GRM5: variants seen among roughly 807,000 people sequenced by gnomAD.
GRM5 encodes metabotropic glutamate receptor 5.
A neutral mutation model predicts 83.1 loss-of-function variants in GRM5; 19 were observed. The ratio of observed to expected loss-of-function variants is 0.23; its 90% CI spans 0.16 to 0.34. The LOEUF (loss-of-function observed/expected upper bound fraction) is 0.34. Ranked by LOEUF, GRM5 falls within the 10% of genes least tolerant of loss-of-function variation. The probability of loss-of-function intolerance (pLI) is 1.00; values close to 1 mark genes in which losing one functional copy is unlikely to be tolerated. For missense variants in GRM5, 1,160 were observed against 1,588.3 expected, an observed-to-expected ratio of 0.73 and a Z score of 4.58; for synonymous variants, 675 against 633.6, an observed-to-expected ratio of 1.07 and a Z score of -0.98.
intron 3 of GRM5, among the ~76,000 whole-genome samples, chr11:88,793,595 T>C (rs1247278751): frequency 1.3e-5 from 2 of 152,218 alleles, no homozygotes; most frequent in Admixed American, 1.3e-4. Flanking sequence ...ACATTCCTAA[T>C]GTGGATATAA....
At chr11:88,819,185 G>C (rs1386024285) in intron 3 of GRM5, among the ~76,000 whole-genome samples, 1 of 152,180 alleles carries the variant, frequency 6.6e-6, no homozygotes, top group East Asian at 1.9e-4. Context: ...AAATAGGTTT[G>C]AGGCTTGATG....
At chr11:88,924,498 G>A (rs950196432) in intron 2 of GRM5, among the ~76,000 whole-genome samples, 1 of 151,988 alleles carries the variant, frequency 6.6e-6, no homozygotes, top group Non-Finnish European at 1.5e-5. Flanking sequence ...CCTGCCATTT[G>A]CAACAATATA....
At chr11:88,706,509 T>G (rs1272710100) in intron 3 of GRM5, among the ~76,000 whole-genome samples, 1 of 152,088 alleles carries the variant, frequency 6.6e-6, no homozygotes, top group Non-Finnish European at 1.5e-5. Context: ...GTCCCCAATA[T>G]GAAATGTTCT....
chr11:89,062,946 G>C (rs746733098), intron 1 of GRM5, among the ~76,000 whole-genome samples: 7 of 152,272 alleles, frequency 4.6e-5, no homozygotes, highest in Admixed American at 3.3e-4. Flanking sequence ...TAAATCCATG[G>C]AAGAGGAAAG....
intron 3 of GRM5, among the ~76,000 whole-genome samples, chr11:88,735,643 A>G (rs1346436918): frequency 1.3e-5 from 2 of 152,050 alleles, no homozygotes; most frequent in Non-Finnish European, 2.9e-5. Flanking sequence ...TGTACCTAGG[A>G]ACAATGCCAC....
At chr11:89,038,160 TG>T (rs2135136026) in intron 2 of GRM5, among the ~76,000 whole-genome samples, 2 of 151,322 alleles carry the variant, frequency 1.3e-5, no homozygotes, top group African/African-American at 4.8e-5. Flanking sequence ...ATTGTGTGTG[TG>T]TGTGTGTGTG....
At chr11:88,674,081 T>C (rs1378967760) in intron 3 of GRM5, among the ~76,000 whole-genome samples, 1 of 151,798 alleles carries the variant, frequency 6.6e-6, no homozygotes, top group Non-Finnish European at 1.5e-5. Context: ...AATGTCAGTG[T>C]CAGAGTAAAG....
At chr11:88,918,091 G>C (rs904516525) in intron 2 of GRM5, among the ~76,000 whole-genome samples, 2 of 151,474 alleles carry the variant, frequency 1.3e-5, no homozygotes, top group Non-Finnish European at 2.9e-5. Context: ...AAGAAAAAAA[G>C]AAACAACATA....
intron 3 of GRM5, among the ~76,000 whole-genome samples, chr11:88,789,760 T>C (rs1003344421): frequency 6.6e-6 from 1 of 152,204 alleles, no homozygotes; most frequent in South Asian, 2.1e-4. Flanking sequence ...CCACTTATTC[T>C]TACGGTAAAT....
At chr11:88,808,712 C>T (rs1943539652) in intron 3 of GRM5, among the ~76,000 whole-genome samples, 1 of 151,922 alleles carries the variant, frequency 6.6e-6, no homozygotes, top group South Asian at 2.1e-4. Flanking sequence ...TCAAAATTAG[C>T]TACCTTAACA....
intron 3 of GRM5, among the ~76,000 whole-genome samples, chr11:88,668,297 G>A (rs111791944): frequency 0.13 from 17,044 of 130,016 alleles, 1,371 homozygotes; most frequent in Non-Finnish European, 0.17. Context: ...CCAGAAACTC[G>A]CACACACACA....
At chr11:88,646,112 A>T (rs1002304255) in intron 4 of GRM5, among the ~76,000 whole-genome samples, 12 of 152,132 alleles carry the variant, frequency 7.9e-5, no homozygotes, top group Non-Finnish European at 1.0e-4. Flanking sequence ...AAACTACTGG[A>T]GATGACAGGG....
chr11:88,664,444 C>CT (rs146427630), intron 3 of GRM5, among the ~76,000 whole-genome samples: 3,151 of 151,766 alleles, frequency 0.021, 89 homozygotes, highest in East Asian at 0.12. Flanking sequence ...ATTTTCTTTT[C>CT]TTTTTTCTTT....
chr11:88,872,959 A>G (rs1944795065), intron 2 of GRM5, among the ~76,000 whole-genome samples: 1 of 149,226 alleles, frequency 6.7e-6, no homozygotes, highest in African/African-American at 2.4e-5. Flanking sequence ...ATATGCTCAT[A>G]CAAGAAACTC....
chr11:88,550,979 T>C (rs983237398), intron 8 of GRM5, among the ~76,000 whole-genome samples: 2 of 152,130 alleles, frequency 1.3e-5, no homozygotes, highest in South Asian at 4.1e-4. Flanking sequence ...CTTCCTTACT[T>C]ATAAAATGGG....
At chr11:88,817,034 C>T (rs1943704970) in intron 3 of GRM5, among the ~76,000 whole-genome samples, 1 of 151,944 alleles carries the variant, frequency 6.6e-6, no homozygotes, top group Non-Finnish European at 1.5e-5. Context: ...AATGAACAAG[C>T]AAAAAACTTC....
intron 4 of GRM5, among the ~76,000 whole-genome samples, chr11:88,623,420 G>T (rs566519087): frequency 6.6e-6 from 1 of 152,014 alleles, no homozygotes; most frequent in African/African-American, 2.4e-5. Context: ...GTGAGCCACC[G>T]TGCCCGGCCA....
intron 2 of GRM5, among the ~76,000 whole-genome samples, chr11:88,904,407 C>T (rs1945369922): frequency 6.6e-6 from 1 of 152,176 alleles, no homozygotes; most frequent in African/African-American, 2.4e-5. Flanking sequence ...ACCTCAATCT[C>T]AACTTCCAAT....
At chr11:88,936,420 C>A (rs1046218701) in intron 2 of GRM5, among the ~76,000 whole-genome samples, 2 of 151,770 alleles carry the variant, frequency 1.3e-5, no homozygotes, top group African/African-American at 4.8e-5. Context: ...TAGGCCAATA[C>A]CAGTAAGATT....
Sources: gnomAD v4.1 joint callset for allele counts (sites outside exome capture counted in the v4.1 genomes callset) on GRCh38, gnomAD v4.1.1 for gene constraint, MANE v1.5 for transcripts, NCBI Gene and HGNC (gene_info 2026-07-23, HGNC 2026-07-21) for gene names.